MICU3: variants seen among roughly 807,000 people sequenced by gnomAD.
MICU3 encodes the protein calcium uptake protein 3, mitochondrial.
MICU3 carries 62 observed loss-of-function variants against 66.5 expected under a neutral mutation model. That is an observed-to-expected ratio of 0.93 (90% confidence interval 0.76 to 1.15). The LOEUF is 1.15. Among genes scored for constraint, MICU3 ranks in the 50% most tolerant of loss-of-function variants. The pLI is 0.00. For synonymous variants in MICU3, 308 were observed against 240.7 expected, an observed-to-expected ratio of 1.28 and a Z score of -2.59; for missense variants, 779 against 664.4, an observed-to-expected ratio of 1.17 and a Z score of -1.90.
Position 17,104,441 on chromosome 8 carries a change from CTT to C in MICU3, c.1040_1041del (p.Phe347TrpfsTer7). On this transcript the variant is annotated frameshift_variant, in exon 10 of 15. Transcript: ENST00000318063. LOFTEE classifies it high-confidence loss of function. ...LVTDTTLLVH[F>X]FGKKGKAELN... The stretch of plus-strand genomic sequence containing the variant: ...TAACAGATACTACACTTCTTGTACA[CTT>C]TTTTGGAAAGAAAGGAAAAGCTGAG... The C allele has an allele frequency of 6.8e-7, 1 of 1,464,950 alleles. No homozygotes were observed. 90.7% of individuals were successfully genotyped at this position (1,464,950 alleles called of 1,614,324 possible).
rs1182382514 is a variant in MICU3, at chr8:17,122,429, T to A, written c.*2142T>A. The A allele has an allele frequency of 1.3e-5, 2 of 151,856 alleles. No homozygotes were observed. Among genetic ancestry groups the A allele is most frequent in the East Asian group, 1.9e-4 (1 of 5,196 alleles). The allele number at this position is 151,856 out of a possible 1,614,324, so 9.4% of individuals were successfully genotyped here. A position where few individuals can be genotyped will look rare whatever the true frequency, so the allele number is the denominator to read the frequency against. On this transcript the variant is annotated 3_prime_UTR_variant, in exon 15 of 15. Coordinates refer to ENST00000318063, the MANE Select transcript of MICU3 (RefSeq NM_181723.3). The stretch of plus-strand genomic sequence containing the variant: ...AGTGTTTCCTTCTATAAACTGTTCT[T>A]TGGAAAAATTAAGTTATACATAAAA...
chr8:17,135,480 T>C, the MICU3 span, among the ~76,000 whole-genome samples: 1 of 152,086 alleles, frequency 6.6e-6, no homozygotes, highest in African/African-American at 2.4e-5. Flanking sequence ...TTTTATTTGT[T>C]CAGCACTTAA....
At chr8:17,038,952 CAAAAA>C (rs57441494) in intron 1 of MICU3, among the ~76,000 whole-genome samples, 1 of 120,186 alleles carries the variant, frequency 8.3e-6, no homozygotes, top group South Asian at 2.6e-4. Context: ...GACTCTGTCT[CAAAAA>C]AAAAAAAAAA....
At chr8:17,036,067 C>G (rs1437513434) in intron 1 of MICU3, among the ~76,000 whole-genome samples, 1 of 152,168 alleles carries the variant, frequency 6.6e-6, no homozygotes, top group South Asian at 2.1e-4. Flanking sequence ...GTGAGTGTTA[C>G]AGCTCTTAAG....
rs112510705 is a variant in MICU3, at chr8:17,030,136, G to A, written c.381+2476G>A. Among the ~76,000 whole-genome samples the A allele has an allele frequency of 9.4e-4, 143 of 152,156 alleles. 3 individuals are homozygous for A. Among genetic ancestry groups the A allele is most frequent in the African/African-American group, 3.3e-3 (135 of 41,530 alleles). On this transcript the variant is annotated intron_variant, in intron 1 of 14. Coordinates refer to ENST00000318063, the MANE Select transcript of MICU3 (RefSeq NM_181723.3). ...GGCTGCTATATTTTCTCTTTTTGCT[G>A]TAAGGATATAAATTATAACTTTGTT...
At chr8:17,098,046 A>C (rs1403423256) in intron 8 of MICU3, among the ~76,000 whole-genome samples, 1 of 151,756 alleles carries the variant, frequency 6.6e-6, no homozygotes, top group African/African-American at 2.4e-5. Flanking sequence ...AGCAAGATAA[A>C]TGATAGCCAG....
chr8:17,103,516 G>A (rs1401757007), intron 9 of MICU3, among the ~76,000 whole-genome samples: 1 of 151,712 alleles, frequency 6.6e-6, no homozygotes, highest in Non-Finnish European at 1.5e-5. Context: ...GAGAGTTATA[G>A]TCCTTTGAAT....
chr8:17,073,753 A>G (rs147011683), intron 3 of MICU3, among the ~76,000 whole-genome samples: 123 of 152,306 alleles, frequency 8.1e-4, no homozygotes, highest in Non-Finnish European at 1.3e-3. Context: ...CAATATGTCA[A>G]TCATCAGGCA....
intron 6 of MICU3, 48 bp downstream of exon 6, chr8:17,085,366 C>G: frequency 8.0e-7 from 1 of 1,243,880 alleles, no homozygotes; most frequent in Non-Finnish European, 1.2e-6. Flanking sequence ...ATATTGCTTA[C>G]TTATATTTTT....
At position 17,027,508 on chromosome 8, in the gene MICU3, C is replaced by T; in HGVS notation, c.229C>T (p.Leu77=). The T allele has an allele frequency of 7.8e-7, 1 of 1,282,818 alleles. No homozygotes were observed. The allele number at this position is 1,282,818 out of a possible 1,614,324, so 79.5% of individuals were successfully genotyped here. The change falls in exon 1 of 15, where the codon CTG becomes TTG. Residue 77 remains leucine (L), a synonymous_variant. Transcript: ENST00000318063. ...LSVAAAAGGG[L]VGLVCYQLYG... ...CGTGGCGGCGGCGGCCGGCGGGGGG[C>T]TGGTCGGCCTGGTATGCTACCAGCT...
chr8:17,036,011 G>A (rs1812913182), intron 1 of MICU3, among the ~76,000 whole-genome samples: 1 of 152,176 alleles, frequency 6.6e-6, no homozygotes, highest in Non-Finnish European at 1.5e-5. Flanking sequence ...GAATTGATGG[G>A]TTCTTGGTCT....
At chr8:17,052,902 C>T (rs531244756) in intron 1 of MICU3, among the ~76,000 whole-genome samples, 45 of 152,140 alleles carry the variant, frequency 3.0e-4, no homozygotes, top group African/African-American at 9.9e-4. Context: ...AAGATTCTTG[C>T]CCAGATAATA....
intron 3 of MICU3, among the ~76,000 whole-genome samples, chr8:17,074,447 G>T (rs1187716981): frequency 1.2e-4 from 18 of 151,884 alleles, no homozygotes; most frequent in Admixed American, 9.8e-4. Flanking sequence ...ATATTTGACA[G>T]GAAAATATGC....
At chr8:17,129,456 A>G in the MICU3 span, among the ~76,000 whole-genome samples, 1 of 152,238 alleles carries the variant, frequency 6.6e-6, no homozygotes, top group Non-Finnish European at 1.5e-5. Flanking sequence ...AACAATGAAA[A>G]CTATAAAAAC....
chr8:17,067,512 C>G (rs746805752), intron 2 of MICU3, among the ~76,000 whole-genome samples: 2 of 151,976 alleles, frequency 1.3e-5, no homozygotes, highest in African/African-American at 2.4e-5. Flanking sequence ...TCACTGCAAC[C>G]TCCGCTTCCT....
intron 1 of MICU3, among the ~76,000 whole-genome samples, chr8:17,056,902 G>C (rs17624776): frequency 0.093 from 14,212 of 152,286 alleles, 974 homozygotes; most frequent in East Asian, 0.38. Flanking sequence ...GAGAAATTGC[G>C]AAGTTAAGCA....
chr8:17,064,964 C>G (rs371061365), intron 2 of MICU3, among the ~76,000 whole-genome samples: 1 of 151,978 alleles, frequency 6.6e-6, no homozygotes, highest in Admixed American at 6.5e-5. Context: ...TAATGAGAAC[C>G]GAGGATTTCT....
the MICU3 span, among the ~76,000 whole-genome samples, chr8:17,138,429 G>A: frequency 4.6e-5 from 7 of 152,248 alleles, no homozygotes; most frequent in African/African-American, 1.7e-4. Flanking sequence ...AAATGACTGT[G>A]ACAAGTCAGC....
At chr8:17,034,988 A>C (rs1812728882) in intron 1 of MICU3, among the ~76,000 whole-genome samples, 1 of 152,210 alleles carries the variant, frequency 6.6e-6, no homozygotes, top group Non-Finnish European at 1.5e-5. Flanking sequence ...AGAGGGACCC[A>C]GTGGGAGGTG....
Sources: allele counts gnomAD v4.1 joint callset (sites outside exome capture counted in the v4.1 genomes callset), GRCh38; gene constraint gnomAD v4.1.1; transcripts MANE v1.5; gene names NCBI Gene and HGNC (gene_info 2026-07-23, HGNC 2026-07-21).